The following AGTPBP1 variants were observed in gnomAD, a reference collection of about 807,000 sequenced individuals.
AGTPBP1 encodes the protein ATP/GTP binding carboxypeptidase 1.
In AGTPBP1, 70 loss-of-function variants were observed where a neutral mutation model predicts 143.9. That is an observed-to-expected ratio of 0.49 (90% CI 0.40 to 0.59). AGTPBP1 has a LOEUF of 0.59. Among genes scored for constraint, AGTPBP1 ranks in the 20% least tolerant of loss-of-function variants. The probability of loss-of-function intolerance (pLI) is 0.00; values close to 1 mark genes in which losing one functional copy is unlikely to be tolerated. For missense variants in AGTPBP1, 1,229 were observed against 1,464.5 expected, an observed-to-expected ratio of 0.84 and a Z score of 2.62; for synonymous variants, 463 against 500.2, an observed-to-expected ratio of 0.93 and a Z score of 0.99.
At chr9:85,561,389 A>C (rs1826709608) in intron 25 of AGTPBP1, among the ~76,000 whole-genome samples, 1 of 150,678 alleles carries the variant, frequency 6.6e-6, no homozygotes. Flanking sequence ...TCCATCTCAA[A>C]AAAAAAAAAA....
At chr9:85,594,373 C>G (rs1029531007) in intron 18 of AGTPBP1, among the ~76,000 whole-genome samples, 21 of 152,180 alleles carry the variant, frequency 1.4e-4, no homozygotes, top group African/African-American at 4.8e-4. Context: ...AATCCCAGCA[C>G]TTTGGGAGGC....
the AGTPBP1 span, among the ~76,000 whole-genome samples, chr9:85,769,761 A>G: frequency 1.3e-5 from 2 of 151,980 alleles, no homozygotes; most frequent in African/African-American, 2.4e-5. Flanking sequence ...AACATTTAGA[A>G]TAAGTTATTC....
At chr9:85,657,184 T>TA (rs374501838) in intron 10 of AGTPBP1, among the ~76,000 whole-genome samples, 35,816 of 110,786 alleles carry the variant, frequency 0.32, 5,088 homozygotes, top group East Asian at 0.56. Flanking sequence ...AGTATAATAA[T>TA]AAAAAAAAAA....
chr9:85,804,974 C>A, the AGTPBP1 span, among the ~76,000 whole-genome samples: 2 of 152,198 alleles, frequency 1.3e-5, no homozygotes, highest in African/African-American at 4.8e-5. Flanking sequence ...CGCAGGTGAT[C>A]CTGCCTTGCT....
At chr9:85,780,547 A>G in the AGTPBP1 span, among the ~76,000 whole-genome samples, 2 of 151,790 alleles carry the variant, frequency 1.3e-5, no homozygotes, top group African/African-American at 4.8e-5. Context: ...TAAAGCAGCC[A>G]ATGAACAGAG....
intron 11 of AGTPBP1, among the ~76,000 whole-genome samples, chr9:85,646,665 A>ATAATGTCTTATGTTG (rs1832828400): frequency 6.6e-6 from 1 of 152,238 alleles, no homozygotes; most frequent in Non-Finnish European, 1.5e-5. Flanking sequence ...GTTTTTAAAA[A>ATAATGTCTTATGTTG]TAATGTCTTA....
Position 85,677,564 on chromosome 9 carries a change from C to G in AGTPBP1, c.308G>C (p.Ser103Thr), listed in dbSNP as rs778077297. 3.9e-6 allele frequency: 6 copies of G among 1,552,464 alleles called. No homozygotes were observed. The East Asian group carries it at 1.4e-4, about 37-fold the overall frequency. ...LVSAGGGRRV[S>T]FLVTKGGSQI... ...TGAACCACCTTTGGTGACTAAGAAACTCACTCTTCGACCTCCACCTAAAAA... is the reference window on the plus strand; with the variant it reads ...TGAACCACCTTTGGTGACTAAGAAAGTCACTCTTCGACCTCCACCTAAAAA... The change falls in exon 6 of 26, where the codon AGT becomes ACT. Residue 103 changes from serine to threonine, a missense_variant. Ser to Thr is a moderately conservative substitution (Grantham distance 58, BLOSUM62 1). This residue lies in a region of AGTPBP1 where 743 missense variants were observed against 812.2 expected (regional missense o/e 0.91). Coordinates refer to ENST00000357081, the MANE Select transcript of AGTPBP1 (RefSeq NM_001330701.2).
intron 14 of AGTPBP1, among the ~76,000 whole-genome samples, chr9:85,625,464 G>A (rs13293008): frequency 0.04 from 6,065 of 152,010 alleles, 150 homozygotes; most frequent in Middle Eastern, 0.11. Context: ...GGTTGTCACC[G>A]TTTCCTTTCC....
chr9:85,557,197 T>A (rs1236573436), intron 25 of AGTPBP1, among the ~76,000 whole-genome samples: 3 of 152,178 alleles, frequency 2.0e-5, no homozygotes, highest in Admixed American at 6.5e-5. Context: ...AGACTAATAA[T>A]CACTAATTTG....
rs566630623 is a variant in AGTPBP1 at position 85,705,452 on chromosome 9, G to T, written c.32+7050C>A. Among the ~76,000 whole-genome samples, 55 of 152,136 alleles carry T rather than the reference G, an allele frequency of 3.6e-4. 1 individual carries two copies. In the South Asian group the frequency reaches 5.8e-3, roughly 16 times the overall value. ...AGCACTTTGGGAAGCTGAGGCAAGA[G>T]GGCAGCTTGAAACCAACAGTTCCAG... On this transcript the variant is annotated intron_variant, in intron 2 of 25. Transcript: ENST00000357081.
the AGTPBP1 span, among the ~76,000 whole-genome samples, chr9:85,767,649 T>A: frequency 6.6e-6 from 1 of 150,806 alleles, no homozygotes; most frequent in Admixed American, 6.6e-5. Flanking sequence ...CCCAGCCTAA[T>A]TTTTGTATTT....
chr9:85,641,163 G>A (rs1832437983), intron 13 of AGTPBP1, among the ~76,000 whole-genome samples: 1 of 152,106 alleles, frequency 6.6e-6, no homozygotes, highest in Non-Finnish European at 1.5e-5. Context: ...GGGGGTCTTG[G>A]AACCTATCTC....
At chr9:85,755,092 T>G in the AGTPBP1 span, among the ~76,000 whole-genome samples, 1 of 152,222 alleles carries the variant, frequency 6.6e-6, no homozygotes, top group African/African-American at 2.4e-5. Context: ...ATTATACTAT[T>G]AATATCCTGG....
chr9:85,589,500 C>A, intron 20 of AGTPBP1, 28 bp downstream of exon 20: 1 of 1,584,634 alleles, frequency 6.3e-7, no homozygotes, highest in Non-Finnish European at 8.6e-7. Flanking sequence ...AGAATGACTG[C>A]TATTGTGAGT....
chr9:85,567,667 T>C (rs1467675364), intron 25 of AGTPBP1, among the ~76,000 whole-genome samples: 1 of 152,034 alleles, frequency 6.6e-6, no homozygotes, highest in Non-Finnish European at 1.5e-5. Context: ...TACATAGTCA[T>C]TAAAAGAAAA....
intron 8 of AGTPBP1, among the ~76,000 whole-genome samples, chr9:85,662,682 G>A (rs1472417987): frequency 1.3e-5 from 2 of 152,020 alleles, no homozygotes; most frequent in African/African-American, 4.8e-5. Context: ...AAACAATTTT[G>A]TTCCACAGAA....
chr9:85,615,196 A>T (rs1409908893), intron 17 of AGTPBP1, among the ~76,000 whole-genome samples: 8 of 152,194 alleles, frequency 5.3e-5, no homozygotes, highest in African/African-American at 1.9e-4. Flanking sequence ...TAAACACCAA[A>T]AACATACTAT....
intron 1 of AGTPBP1, among the ~76,000 whole-genome samples, chr9:85,722,289 C>T (rs1483782975): frequency 6.6e-6 from 1 of 152,210 alleles, no homozygotes; most frequent in African/African-American, 2.4e-5. Flanking sequence ...CCATTCTCCC[C>T]ATCACTTTCA....
chr9:85,791,305 C>T, the AGTPBP1 span, among the ~76,000 whole-genome samples: 2 of 150,516 alleles, frequency 1.3e-5, no homozygotes, highest in African/African-American at 4.9e-5. Flanking sequence ...ACTCATGAGG[C>T]AGAGGTTGCA....
Sources: allele counts gnomAD v4.1 joint callset (sites outside exome capture counted in the v4.1 genomes callset), GRCh38; gene constraint gnomAD v4.1.1; regional missense constraint gnomAD v4.1.1; transcripts MANE v1.5; gene names NCBI Gene and HGNC (gene_info 2026-07-23, HGNC 2026-07-21).